CATSPERE: variants seen among roughly 807,000 people sequenced by gnomAD.
CATSPERE encodes the protein catsper channel auxiliary subunit epsilon, also known as cation channel sperm-associated auxiliary subunit epsilon.
A neutral mutation model predicts 114.1 loss-of-function variants in CATSPERE; 93 were observed. The ratio of observed to expected loss-of-function variants is 0.81; its 90% CI spans 0.69 to 0.97. CATSPERE has a LOEUF of 0.97. Among genes scored for constraint, CATSPERE ranks in the 50% least tolerant of loss-of-function variants. CATSPERE has a pLI of 0.00. For synonymous variants in CATSPERE, 341 were observed against 384.1 expected (o/e 0.89, Z 1.31); for missense variants, 1,058 against 1,131.6 (o/e 0.93, Z 0.93).
chr1:244,622,551 G>A (rs556508581), intron 20 of CATSPERE, among the ~76,000 whole-genome samples: 2 of 151,932 alleles, frequency 1.3e-5, no homozygotes, highest in South Asian at 4.2e-4. Flanking sequence ...TTACAGACAT[G>A]TGCCACCACG....
At chr1:244,456,816 A>G (rs146246838), upstream of CATSPERE, among the ~76,000 whole-genome samples, 225 of 152,300 alleles carry the variant, frequency 1.5e-3, no homozygotes, top group African/African-American at 4.8e-3. Context: ...CATCCCTAGT[A>G]TTAACTCACT....
chr1:244,490,407 A>T, intron 5 of CATSPERE, 40 bp from the exon 6 acceptor site: 2 of 1,415,014 alleles, frequency 1.4e-6, no homozygotes, highest in Non-Finnish European at 2.0e-6. Context: ...AATGTTTAAC[A>T]GGCTGTTTAC....
chr1:244,567,315 T>C (rs1255559838), intron 10 of CATSPERE, among the ~76,000 whole-genome samples: 1 of 152,170 alleles, frequency 6.6e-6, no homozygotes, highest in Non-Finnish European at 1.5e-5. Context: ...AATCTGATGA[T>C]TGTTTGTCTT....
intron 17 of CATSPERE, among the ~76,000 whole-genome samples, chr1:244,602,150 T>G (rs1257627285): frequency 6.6e-6 from 1 of 152,142 alleles, no homozygotes; most frequent in Non-Finnish European, 1.5e-5. Context: ...CAGCACTTGT[T>G]TCTAGAAATA....
chr1:244,463,898 T>C lies in CATSPERE; in HGVS notation c.66-10T>C. ...GTTTTAATATTTATACTTGGCCTCT[T>C]CCTCCACAGGTATTCCACTAACAGC... On this transcript the variant is annotated splice_polypyrimidine_tract_variant and intron_variant, in intron 1 of 21. Transcript: ENST00000366534. The C allele has an allele frequency of 6.3e-7, 1 of 1,589,712 alleles. No individual in the cohort carries two copies. Among genetic ancestry groups the C allele is most frequent in the Non-Finnish European group, 8.6e-7 (1 of 1,158,132 alleles).
chr1:244,550,362 C>T (rs150703677), intron 8 of CATSPERE, among the ~76,000 whole-genome samples: 16 of 152,230 alleles, frequency 1.1e-4, no homozygotes, highest in Non-Finnish European at 2.4e-4. Flanking sequence ...GGATGCTATA[C>T]AGTGGAAAGC....
chr1:244,461,718 C>G (rs960480617), intron 1 of CATSPERE, among the ~76,000 whole-genome samples: 1 of 152,172 alleles, frequency 6.6e-6, no homozygotes, highest in Non-Finnish European at 1.5e-5. Flanking sequence ...CTACCCTGCT[C>G]CAGCTCCTGC....
chr1:244,485,174 CTTTTTCTTTT>C (rs1002945086), intron 5 of CATSPERE, among the ~76,000 whole-genome samples: 4 of 122,852 alleles, frequency 3.3e-5, no homozygotes, highest in Non-Finnish European at 5.4e-5. Flanking sequence ...TGTCTTTTTT[CTTTTTCTTTT>C]TTTTTCTTTT....
chr1:244,490,893 A>T (rs1263888330), intron 6 of CATSPERE, among the ~76,000 whole-genome samples: 1 of 152,206 alleles, frequency 6.6e-6, no homozygotes, highest in Non-Finnish European at 1.5e-5. Context: ...TTGAAAAAAA[A>T]TTATCTTTAA....
chr1:244,491,961 C>A (rs987707871), intron 6 of CATSPERE, among the ~76,000 whole-genome samples: 26 of 152,076 alleles, frequency 1.7e-4, no homozygotes, highest in African/African-American at 5.8e-4. Context: ...AATAGTTTAC[C>A]AACCAAAAAA....
intron 14 of CATSPERE, among the ~76,000 whole-genome samples, chr1:244,590,340 A>C (rs951638926): frequency 6.6e-6 from 1 of 152,244 alleles, no homozygotes; most frequent in Admixed American, 6.5e-5. Flanking sequence ...CTAATAAAAC[A>C]GTCCAAAGAA....
chr1:244,594,509 C>T (rs1668128992), intron 17 of CATSPERE, among the ~76,000 whole-genome samples: 1 of 152,086 alleles, frequency 6.6e-6, no homozygotes, highest in Non-Finnish European at 1.5e-5. Flanking sequence ...AGGTAAACGA[C>T]TCACATTTCT....
At chr1:244,469,372 A>G (rs1179281612) in intron 2 of CATSPERE, among the ~76,000 whole-genome samples, 2 of 152,224 alleles carry the variant, frequency 1.3e-5, no homozygotes, top group Admixed American at 6.5e-5. Context: ...CAGCTCCAGT[A>G]TTACAGCTCA....
chr1:244,609,102 C>T (rs1259461987), intron 18 of CATSPERE, among the ~76,000 whole-genome samples: 1 of 152,018 alleles, frequency 6.6e-6, no homozygotes, highest in Non-Finnish European at 1.5e-5. Flanking sequence ...AGGAGAATCG[C>T]TTGAACCCAA....
At chr1:244,603,505 G>A (rs899523308) in intron 17 of CATSPERE, among the ~76,000 whole-genome samples, 4 of 151,998 alleles carry the variant, frequency 2.6e-5, no homozygotes, top group African/African-American at 7.3e-5. Flanking sequence ...ATATAGACAA[G>A]TATTTTTTCA....
rs67626437 is a variant in CATSPERE, at chr1:244,553,602, T to TACACACACACACACAC, written c.1029+816_1029+831dup. Among the ~76,000 whole-genome samples the TACACACACACACACAC allele has an allele frequency of 9.7e-4, 89 of 91,944 alleles. 3 individuals carry two copies. Among genetic ancestry groups the TACACACACACACACAC allele is most frequent in the East Asian group, 2.2e-3 (7 of 3,192 alleles). The allele number at this position is 91,944 out of a possible 152,430, so 60.3% of individuals were successfully genotyped here. On this transcript the variant is annotated intron_variant, in intron 9 of 21. Coordinates refer to ENST00000366534, the MANE Select transcript of CATSPERE (RefSeq NM_001130957.2). ...TCTCAAAAAAAAAAAAAAAAAAAAA[T>TACACACACACACACAC]ACACACACACACACACACACACACA...
At chr1:244,614,525 T>C (rs1477051055) in intron 19 of CATSPERE, among the ~76,000 whole-genome samples, 2 of 152,240 alleles carry the variant, frequency 1.3e-5, no homozygotes, top group East Asian at 3.8e-4. Flanking sequence ...TACAAACATC[T>C]TCCAAACTTT....
intron 6 of CATSPERE, among the ~76,000 whole-genome samples, chr1:244,490,778 G>C (rs1489243523): frequency 9.9e-5 from 15 of 151,796 alleles, no homozygotes; most frequent in East Asian, 1.9e-4. Context: ...ATTAAAGATA[G>C]TTTTTAAAAT....
chr1:244,591,312 T>C (rs1282303888), intron 14 of CATSPERE, among the ~76,000 whole-genome samples: 1 of 152,214 alleles, frequency 6.6e-6, no homozygotes. Context: ...GAATACAATA[T>C]ATCATGAACT....
Sources: gnomAD v4.1 joint callset for allele counts (sites outside exome capture counted in the v4.1 genomes callset) on GRCh38, gnomAD v4.1.1 for gene constraint, MANE v1.5 for transcripts, NCBI Gene and HGNC (gene_info 2026-07-23, HGNC 2026-07-21) for gene names.